Variants in CHSY3 observed in about 807,000 individuals in gnomAD.
CHSY3 encodes the protein chondroitin sulfate synthase 3.
A neutral mutation model predicts 67.2 loss-of-function variants in CHSY3; 35 were observed. The ratio of observed to expected loss-of-function variants is 0.52; its 90% CI spans 0.40 to 0.69. The LOEUF (loss-of-function observed/expected upper bound fraction) is 0.69. Among genes scored for constraint, CHSY3 ranks in the 30% least tolerant of loss-of-function variants. CHSY3 has a pLI of 0.00. For synonymous variants in CHSY3, 474 were observed against 434.7 expected, an observed-to-expected ratio of 1.09 and a Z score of -1.12; for missense variants, 1,069 against 1,138.5, an observed-to-expected ratio of 0.94 and a Z score of 0.88.
At chr5:130,038,187 A>C (rs1014979609) in intron 2 of CHSY3, among the ~76,000 whole-genome samples, 37 of 152,088 alleles carry the variant, frequency 2.4e-4, no homozygotes, top group African/African-American at 8.4e-4. Flanking sequence ...GGCTAGGAAA[A>C]GGGCAGAATA....
At chr5:130,007,268 T>C (rs78918392) in intron 2 of CHSY3, among the ~76,000 whole-genome samples, 3,587 of 152,260 alleles carry the variant, frequency 0.024, 130 homozygotes, top group African/African-American at 0.079. Context: ...TTTTAAAAGA[T>C]ACTGTCACTG....
intron 2 of CHSY3, among the ~76,000 whole-genome samples, chr5:130,012,796 C>G (rs1249633972): frequency 6.6e-6 from 1 of 152,018 alleles, no homozygotes; most frequent in Non-Finnish European, 1.5e-5. Context: ...TTGCTCCTGG[C>G]CCCTCACAAA....
In CHSY3 at chr5:130,110,608, A is replaced by G. The variant is rs562987531; in HGVS notation, c.1087-73621A>G. 7.9e-5 allele frequency among the ~76,000 whole-genome samples: 12 copies of G among 152,110 alleles called. No individual in the cohort carries two copies. In the South Asian group the frequency reaches 2.3e-3, roughly 29 times the overall value. ...CTTGAGCCTTAGGGAGATAATCTTC[A>G]TAGTGGATGGATACTTACATGCAGG... On this transcript the variant is annotated intron_variant, in intron 2 of 2. Coordinates refer to ENST00000305031, the MANE Select transcript of CHSY3 (RefSeq NM_175856.5).
intron 2 of CHSY3, among the ~76,000 whole-genome samples, chr5:129,930,219 G>A (rs144500815): frequency 0.011 from 1,701 of 151,780 alleles, 39 homozygotes; most frequent in African/African-American, 0.038. Context: ...TGTAATCCCA[G>A]CTACTCAGGA....
chr5:130,153,951 A>G (rs1769301318), intron 2 of CHSY3, among the ~76,000 whole-genome samples: 1 of 151,812 alleles, frequency 6.6e-6, no homozygotes, highest in Non-Finnish European at 1.5e-5. Flanking sequence ...AGAGTCTCAC[A>G]CTGTTGCCCA....
intron 2 of CHSY3, among the ~76,000 whole-genome samples, chr5:129,917,763 G>A (rs530213874): frequency 1.3e-5 from 2 of 152,142 alleles, no homozygotes; most frequent in Non-Finnish European, 2.9e-5. Flanking sequence ...ATTCAGAGTG[G>A]TTCCTGACAG....
chr5:130,062,551 A>G (rs1765748756), intron 2 of CHSY3, among the ~76,000 whole-genome samples: 1 of 152,086 alleles, frequency 6.6e-6, no homozygotes, highest in African/African-American at 2.4e-5. Flanking sequence ...AATATAAAAT[A>G]TGATAATTTT....
At chr5:129,941,597 A>G (rs926651745) in intron 2 of CHSY3, among the ~76,000 whole-genome samples, 9 of 152,196 alleles carry the variant, frequency 5.9e-5, no homozygotes, top group African/African-American at 1.7e-4. Context: ...CCATCTAACA[A>G]GTGAAGATTA....
chr5:130,180,901 A>G (rs1770224137), intron 2 of CHSY3, among the ~76,000 whole-genome samples: 1 of 152,232 alleles, frequency 6.6e-6, no homozygotes, highest in Non-Finnish European at 1.5e-5. Context: ...TGATCATTTC[A>G]GAAATGACCT....
intron 2 of CHSY3, among the ~76,000 whole-genome samples, chr5:130,029,492 C>T (rs1393046726): frequency 6.6e-6 from 1 of 152,070 alleles, no homozygotes; most frequent in Non-Finnish European, 1.5e-5. Context: ...ATGCCACACA[C>T]ACACCACTGC....
chr5:129,998,296 T>G (rs1763609025), intron 2 of CHSY3, among the ~76,000 whole-genome samples: 1 of 152,208 alleles, frequency 6.6e-6, no homozygotes, highest in African/African-American at 2.4e-5. Context: ...TTAAGATCCT[T>G]GTTCATTAGT....
intron 2 of CHSY3, among the ~76,000 whole-genome samples, chr5:130,092,025 T>C (rs1359555139): frequency 6.6e-6 from 1 of 152,086 alleles, no homozygotes; most frequent in East Asian, 1.9e-4. Flanking sequence ...GGGGGGTCTG[T>C]CAGTTTCTTC....
intron 2 of CHSY3, among the ~76,000 whole-genome samples, chr5:130,110,680 T>C (rs1767565579): frequency 6.6e-6 from 1 of 151,966 alleles, no homozygotes; most frequent in Non-Finnish European, 1.5e-5. Flanking sequence ...CATTTTCATT[T>C]TCATATAAAA....
At chr5:130,031,608 G>T (rs1344540069) in intron 2 of CHSY3, among the ~76,000 whole-genome samples, 6 of 152,138 alleles carry the variant, frequency 3.9e-5, no homozygotes, top group Admixed American at 3.9e-4. Flanking sequence ...TGAATTGGTT[G>T]ATATGTGCAG....
chr5:130,100,159 C>G (rs1767185982), intron 2 of CHSY3, among the ~76,000 whole-genome samples: 1 of 152,024 alleles, frequency 6.6e-6, no homozygotes, highest in Admixed American at 6.5e-5. Context: ...AAAAAGGAAG[C>G]TTTCAATGTA....
intron 2 of CHSY3, among the ~76,000 whole-genome samples, chr5:130,056,519 A>G (rs1204464415): frequency 4.6e-5 from 7 of 152,220 alleles, no homozygotes; most frequent in Admixed American, 4.6e-4. Context: ...GATCTTAGAA[A>G]AGCAAAGGAT....
At chr5:130,009,037 C>CGT (rs1554076199) in intron 2 of CHSY3, among the ~76,000 whole-genome samples, 2 of 152,078 alleles carry the variant, frequency 1.3e-5, no homozygotes, top group Non-Finnish European at 1.5e-5. Context: ...ATGTGAAAAA[C>CGT]ATTTGAGGTT....
At chr5:129,997,583 G>A (rs919810633) in intron 2 of CHSY3, among the ~76,000 whole-genome samples, 2 of 152,028 alleles carry the variant, frequency 1.3e-5, no homozygotes, top group African/African-American at 4.8e-5. Flanking sequence ...AGATATACAT[G>A]TGCCATGTTG....
At chr5:130,064,668 T>C (rs1037482856) in intron 2 of CHSY3, among the ~76,000 whole-genome samples, 1 of 152,188 alleles carries the variant, frequency 6.6e-6, no homozygotes, top group Non-Finnish European at 1.5e-5. Context: ...TGCCTGACTC[T>C]TTATCTGGAG....
Sources: allele counts gnomAD v4.1 joint callset (sites outside exome capture counted in the v4.1 genomes callset), GRCh38; gene constraint gnomAD v4.1.1; transcripts MANE v1.5; gene names NCBI Gene and HGNC (gene_info 2026-07-23, HGNC 2026-07-21).